EXOC6B: variants seen among roughly 807,000 people sequenced by gnomAD.
EXOC6B encodes the protein SEC15 homolog B.
Under a neutral mutation model 113.5 loss-of-function variants are expected in EXOC6B, and 54 were observed. That is an observed-to-expected ratio of 0.48 (90% CI 0.38 to 0.60). EXOC6B has a LOEUF of 0.60. Among genes scored for constraint, EXOC6B ranks in the 20% least tolerant of loss-of-function variants. The probability of loss-of-function intolerance (pLI) is 0.00; values close to 1 mark genes in which losing one functional copy is unlikely to be tolerated. For synonymous variants in EXOC6B, 357 were observed against 339.0 expected (o/e 1.05, Z -0.58); for missense variants, 797 against 977.5 (o/e 0.82, Z 2.46).
At chr2:72,798,420 G>A (rs1685094716) in intron 1 of EXOC6B, among the ~76,000 whole-genome samples, 1 of 151,472 alleles carries the variant, frequency 6.6e-6, no homozygotes, top group Non-Finnish European at 1.5e-5. Flanking sequence ...ACTCTGATCT[G>A]TAACATACTG....
At chr2:72,614,661 G>C (rs948896991) in intron 6 of EXOC6B, among the ~76,000 whole-genome samples, 2 of 152,134 alleles carry the variant, frequency 1.3e-5, no homozygotes, top group African/African-American at 4.8e-5. Flanking sequence ...CAGCACTTCT[G>C]CTTAAAACAA....
chr2:72,606,909 C>T (rs372506714), intron 6 of EXOC6B, among the ~76,000 whole-genome samples: 18 of 152,218 alleles, frequency 1.2e-4, no homozygotes, highest in African/African-American at 3.6e-4. Flanking sequence ...CCATGCCCAG[C>T]CAACTTTCTT....
At chr2:72,276,458 G>A (rs1046551313) in intron 20 of EXOC6B, among the ~76,000 whole-genome samples, 37 of 152,104 alleles carry the variant, frequency 2.4e-4, no homozygotes, top group Non-Finnish European at 7.4e-5. Flanking sequence ...ACATCAATGA[G>A]AGGAGTCATT....
chr2:72,654,601 G>A (rs1193131494), intron 6 of EXOC6B, among the ~76,000 whole-genome samples: 1 of 152,156 alleles, frequency 6.6e-6, no homozygotes, highest in African/African-American at 2.4e-5. Flanking sequence ...TTTATGGATT[G>A]TATGTGAAAT....
At chr2:72,375,056 T>A (rs2105043783) in intron 19 of EXOC6B, among the ~76,000 whole-genome samples, 1 of 151,910 alleles carries the variant, frequency 6.6e-6, no homozygotes, top group South Asian at 2.1e-4. Flanking sequence ...TTTTTTCAAA[T>A]AAGACATATT....
chr2:72,800,201 T>C (rs535659259), intron 1 of EXOC6B, among the ~76,000 whole-genome samples: 1 of 152,332 alleles, frequency 6.6e-6, no homozygotes, highest in East Asian at 1.9e-4. Flanking sequence ...GAATAAAATA[T>C]ATAGTTTTTA....
At chr2:72,433,269 A>C (rs903393406) in intron 18 of EXOC6B, among the ~76,000 whole-genome samples, 1 of 151,778 alleles carries the variant, frequency 6.6e-6, no homozygotes, top group African/African-American at 2.4e-5. Context: ...TTGGTCTTAT[A>C]TCTGTTTAGG....
At chr2:72,295,229 CAAAAA>C (rs547104239) in intron 20 of EXOC6B, among the ~76,000 whole-genome samples, 1 of 78,910 alleles carries the variant, frequency 1.3e-5, no homozygotes. Context: ...GACTCCATCT[CAAAAA>C]AAAAAAAAAA....
intron 6 of EXOC6B, among the ~76,000 whole-genome samples, chr2:72,708,222 T>C (rs1170503946): frequency 6.6e-6 from 1 of 151,914 alleles, no homozygotes; most frequent in Admixed American, 6.6e-5. Context: ...ATATAAACAA[T>C]AGATAGGGAA....
intron 20 of EXOC6B, among the ~76,000 whole-genome samples, chr2:72,249,883 C>T (rs1682898951): frequency 6.6e-6 from 1 of 152,080 alleles, no homozygotes; most frequent in Admixed American, 6.5e-5. Flanking sequence ...TAGCTTCATA[C>T]ATATTGGTAG....
chr2:72,480,812 A>G lies in EXOC6B; in HGVS notation c.1666-62T>C, dbSNP rs1027202856. ...TACTCACCCCAGGATGAATGGCTCA[A>G]TATGAATCTGCCGGTACAAAACAAA... is the stretch of plus-strand genomic sequence containing the variant. On this transcript the variant is annotated intron_variant, in intron 16 of 21. Coordinates refer to ENST00000272427, the MANE Select transcript of EXOC6B (RefSeq NM_015189.3). 8 of 1,493,594 alleles carry G rather than the reference A, an allele frequency of 5.4e-6. No homozygotes were observed. In the Admixed American group the frequency reaches 7.9e-5, roughly 15 times the overall value. 92.5% of individuals were successfully genotyped at this position (1,493,594 alleles called of 1,614,324 possible). A position where few individuals can be genotyped will look rare whatever the true frequency, so the allele number is the denominator to read the frequency against.
intron 18 of EXOC6B, among the ~76,000 whole-genome samples, chr2:72,393,316 G>A (rs766084853): frequency 2.0e-5 from 3 of 151,826 alleles, no homozygotes; most frequent in African/African-American, 4.8e-5. Context: ...GGCTGGTCTC[G>A]AACTCCTGAC....
At position 72,177,596 on chromosome 2, in the gene EXOC6B, C is replaced by T. The variant is rs1382618515; in HGVS notation, c.*1739G>A. ...CAGCCCTCAGGATGAGCCTCAGCAG[C>T]ATCTATGAGCTCACATGTAGCCTGG... On this transcript the variant is annotated 3_prime_UTR_variant, in exon 22 of 22. Transcript: ENST00000272427. 1 of 152,190 alleles carries T rather than the reference C, an allele frequency of 6.6e-6. No homozygotes were observed. Among genetic ancestry groups the T allele is most frequent in the Admixed American group, 6.5e-5 (1 of 15,286 alleles). 9.4% of individuals were successfully genotyped at this position (152,190 alleles called of 1,614,324 possible). A position where few individuals can be genotyped will look rare whatever the true frequency, so the allele number is the denominator to read the frequency against.
intron 1 of EXOC6B, among the ~76,000 whole-genome samples, chr2:72,813,088 G>A (rs925115922): frequency 6.6e-6 from 1 of 152,044 alleles, no homozygotes; most frequent in Non-Finnish European, 1.5e-5. Context: ...AAGTTTAATT[G>A]TACTTACTTC....
chr2:72,413,153 G>T (rs1322727081), intron 18 of EXOC6B, among the ~76,000 whole-genome samples: 1 of 151,722 alleles, frequency 6.6e-6, no homozygotes, highest in Admixed American at 6.6e-5. Flanking sequence ...AGTAGAGACG[G>T]GGTTTCACCA....
At chr2:72,606,241 C>T (rs1364755557) in intron 6 of EXOC6B, among the ~76,000 whole-genome samples, 2 of 151,976 alleles carry the variant, frequency 1.3e-5, no homozygotes, top group East Asian at 1.9e-4. Flanking sequence ...GGGCCCAAAT[C>T]GTCATTTACC....
At chr2:72,614,804 C>T (rs1671288118) in intron 6 of EXOC6B, among the ~76,000 whole-genome samples, 1 of 152,088 alleles carries the variant, frequency 6.6e-6, no homozygotes, top group South Asian at 2.1e-4. Flanking sequence ...TACTAAAACA[C>T]TAAAGACAAT....
intron 20 of EXOC6B, among the ~76,000 whole-genome samples, chr2:72,199,319 G>A (rs1679353475): frequency 6.6e-6 from 1 of 152,186 alleles, no homozygotes. Context: ...CATACAAGCA[G>A]GCCCAGTAGG....
At chr2:72,459,229 C>A (rs1697460768) in intron 18 of EXOC6B, among the ~76,000 whole-genome samples, 1 of 152,106 alleles carries the variant, frequency 6.6e-6, no homozygotes, top group African/African-American at 2.4e-5. Context: ...CTATCTATGA[C>A]AAACCCACAG....
Sources: allele counts gnomAD v4.1 joint callset (sites outside exome capture counted in the v4.1 genomes callset), GRCh38; gene constraint gnomAD v4.1.1; transcripts MANE v1.5; gene names NCBI Gene and HGNC (gene_info 2026-07-23, HGNC 2026-07-21).